The following LMNTD1 variants were observed in gnomAD, a reference collection of about 807,000 sequenced individuals.
LMNTD1 encodes the protein lamin tail domain containing 1.
In LMNTD1, 35 loss-of-function variants were observed where a neutral mutation model predicts 50.9. The ratio of observed to expected loss-of-function variants is 0.69; its 90% CI spans 0.53 to 0.91. The LOEUF (loss-of-function observed/expected upper bound fraction) is 0.91. Among genes scored for constraint, LMNTD1 ranks in the 40% least tolerant of loss-of-function variants. The pLI is 0.00. For missense variants in LMNTD1, 470 were observed against 475.5 expected, an observed-to-expected ratio of 0.99 and a Z score of 0.11; for synonymous variants, 153 against 161.9, an observed-to-expected ratio of 0.94 and a Z score of 0.42.
At chr12:25,595,080 T>C (rs896729740) in intron 1 of LMNTD1, among the ~76,000 whole-genome samples, 2 of 152,014 alleles carry the variant, frequency 1.3e-5, no homozygotes, top group African/African-American at 4.8e-5. Flanking sequence ...CCCAAACTTA[T>C]AAAACAATTA....
intron 1 of LMNTD1, among the ~76,000 whole-genome samples, chr12:25,595,947 G>A (rs1945835231): frequency 6.6e-6 from 1 of 151,962 alleles, no homozygotes; most frequent in Non-Finnish European, 1.5e-5. Context: ...ATCATTCAAG[G>A]CTACTATGAA....
intron 9 of LMNTD1, among the ~76,000 whole-genome samples, chr12:25,494,757 G>C (rs1939004661): frequency 6.6e-6 from 1 of 152,056 alleles, no homozygotes; most frequent in South Asian, 2.1e-4. Context: ...TTTGAGGTAT[G>C]TATACATTGT....
At chr12:25,564,372 C>A (rs1465757455) in intron 1 of LMNTD1, among the ~76,000 whole-genome samples, 3 of 152,184 alleles carry the variant, frequency 2.0e-5, no homozygotes, top group Non-Finnish European at 4.4e-5. Flanking sequence ...AATTCTCCTG[C>A]CTCAGTCTCC....
At chr12:25,618,991 G>A (rs952705279) in intron 1 of LMNTD1, among the ~76,000 whole-genome samples, 1 of 151,984 alleles carries the variant, frequency 6.6e-6, no homozygotes, top group African/African-American at 2.4e-5. Context: ...TTTGGTGATG[G>A]GTTAACAGTC....
At chr12:25,563,620 C>T (rs559881945) in intron 1 of LMNTD1, among the ~76,000 whole-genome samples, 13 of 152,202 alleles carry the variant, frequency 8.5e-5, no homozygotes, top group East Asian at 1.9e-4. Context: ...GGAGTCTGTC[C>T]GTTCTCAGAT....
intron 1 of LMNTD1, among the ~76,000 whole-genome samples, chr12:25,582,753 A>C (rs1232653910): frequency 6.6e-6 from 1 of 152,230 alleles, no homozygotes; most frequent in East Asian, 1.9e-4. Flanking sequence ...ATAGAATTTT[A>C]GAGTTAGGAG....
At chr12:25,635,669 C>T (rs547511822) in intron 1 of LMNTD1, among the ~76,000 whole-genome samples, 4 of 152,188 alleles carry the variant, frequency 2.6e-5, no homozygotes, top group Middle Eastern at 3.4e-3. Flanking sequence ...AAAGAGCCCA[C>T]GTAGCCAAAG....
Position 25,553,173 on chromosome 12 carries a change from C to A in LMNTD1, c.-135G>T. 1.2e-6 allele frequency: 2 copies of A among 1,602,028 alleles called. No homozygotes were observed. The highest frequency in any genetic ancestry group is 1.7e-6 in the Non-Finnish European group (2 of 1,175,816). The stretch of plus-strand genomic sequence containing the variant: ...TGAGGATATGTAAGTACCAACATAG[C>A]CAATCCTGATCTTGGCTAAGGATGT... On this transcript the variant is annotated 5_prime_UTR_variant, in exon 1 of 10. Transcript: ENST00000458174.
chr12:25,586,126 A>G (rs973226589), intron 1 of LMNTD1: 1 of 152,172 alleles, frequency 6.6e-6, no homozygotes, highest in African/African-American at 2.4e-5. Context: ...GGGGAAGGGT[A>G]GTGTCAAAGG....
intron 8 of LMNTD1, 141 bp from the exon 9 acceptor site, chr12:25,503,941 A>C: frequency 3.7e-6 from 2 of 544,644 alleles, no homozygotes; most frequent in Non-Finnish European, 6.4e-6. Flanking sequence ...ATTTTCTTTC[A>C]CTTGAAGAAG....
At chr12:25,488,877 A>G (rs975823125) in intron 9 of LMNTD1, among the ~76,000 whole-genome samples, 18 of 152,202 alleles carry the variant, frequency 1.2e-4, no homozygotes, top group East Asian at 9.7e-4. Context: ...GTCTGTTGGA[A>G]TACCCTGCCT....
At chr12:25,559,402 T>C (rs928855329) in intron 1 of LMNTD1, among the ~76,000 whole-genome samples, 4 of 152,200 alleles carry the variant, frequency 2.6e-5, no homozygotes, top group African/African-American at 9.7e-5. Flanking sequence ...TGCATAGTAT[T>C]CCATGGTGTA....
chr12:25,548,436 C>T (rs1006518617), intron 3 of LMNTD1, among the ~76,000 whole-genome samples: 2 of 151,820 alleles, frequency 1.3e-5, no homozygotes, highest in Admixed American at 1.3e-4. Flanking sequence ...CCCCAAATCT[C>T]ATCTATTTTA....
At chr12:25,511,690 C>T (rs1940307764) in intron 8 of LMNTD1, among the ~76,000 whole-genome samples, 1 of 152,156 alleles carries the variant, frequency 6.6e-6, no homozygotes, top group Admixed American at 6.5e-5. Context: ...TATTTAAAAT[C>T]CAATTGTTGC....
At chr12:25,555,853 G>A (rs1944017783), upstream of LMNTD1, among the ~76,000 whole-genome samples, 1 of 151,934 alleles carries the variant, frequency 6.6e-6, no homozygotes, top group African/African-American at 2.4e-5. Flanking sequence ...CTCAGTTTGG[G>A]ATGCACAGAC....
chr12:25,583,509 CCT>C (rs1945396316), intron 1 of LMNTD1, among the ~76,000 whole-genome samples: 1 of 152,106 alleles, frequency 6.6e-6, no homozygotes, highest in Non-Finnish European at 1.5e-5. Context: ...TTATTTTTAC[CCT>C]TTTTAATCCC....
chr12:25,636,999 AG>A (rs1364977017), intron 1 of LMNTD1, among the ~76,000 whole-genome samples: 8 of 142,492 alleles, frequency 5.6e-5, no homozygotes, highest in East Asian at 2.4e-4. Context: ...GAAGAATGGG[AG>A]GGGGGTGAGG....
At chr12:25,611,177 G>C (rs1034107626) in intron 1 of LMNTD1, among the ~76,000 whole-genome samples, 4 of 152,162 alleles carry the variant, frequency 2.6e-5, no homozygotes, top group Non-Finnish European at 5.9e-5. Flanking sequence ...TATGCCATTT[G>C]GTGATTAAGA....
At chr12:25,517,220 G>A (rs1201024475) in intron 8 of LMNTD1, among the ~76,000 whole-genome samples, 1 of 60,340 alleles carries the variant, frequency 1.7e-5, no homozygotes, top group African/African-American at 4.1e-5. Context: ...TATACCCAAA[G>A]GACTATAAAT....
Sources: gnomAD v4.1 joint callset for allele counts (sites outside exome capture counted in the v4.1 genomes callset) on GRCh38, gnomAD v4.1.1 for gene constraint, MANE v1.5 for transcripts, NCBI Gene and HGNC (gene_info 2026-07-23, HGNC 2026-07-21) for gene names.